The following DZIP1L variants were observed in gnomAD, a reference collection of about 807,000 sequenced individuals.
The protein encoded by DZIP1L is DAZ interacting zinc finger protein 1 like.
DZIP1L carries 90 observed loss-of-function variants against 88.7 expected under a neutral mutation model. The ratio of observed to expected loss-of-function variants is 1.02; its 90% CI spans 0.86 to 1.21. The LOEUF (loss-of-function observed/expected upper bound fraction) is 1.21. DZIP1L is among the 50% of genes most tolerant of loss of function. The pLI is 0.00. For missense variants in DZIP1L, 932 were observed against 955.8 expected (o/e 0.98, Z 0.33); for synonymous variants, 363 against 372.1 (o/e 0.98, Z 0.28).
chr3:138,086,103 G>A (rs1455806370), intron 7 of DZIP1L, among the ~76,000 whole-genome samples: 1 of 151,286 alleles, frequency 6.6e-6, no homozygotes, highest in Non-Finnish European at 1.5e-5. Flanking sequence ...TCTGGGGACT[G>A]TTGTGGGGTG....
rs368685062 is a variant in DZIP1L at position 138,068,370 on chromosome 3, G to A, written c.1616-3C>T. On this transcript the variant is annotated splice_polypyrimidine_tract_variant and splice_region_variant and intron_variant, in intron 12 of 15. Transcript: ENST00000327532. ...CAGTGTGCTCTGCTGGCTTTTGACT[G>A]GAAACACAGAAAGGAATGATTTTTG... 49 of 1,490,590 alleles carry A rather than the reference G, an allele frequency of 3.3e-5. No individual in the cohort carries two copies. The Middle Eastern group carries it at 7.2e-4, about 22-fold the overall frequency. The allele number at this position is 1,490,590 out of a possible 1,614,324, so 92.3% of individuals were successfully genotyped here.
rs541759172 is a variant in DZIP1L, at chr3:138,112,752, G to A, written c.-82+2576C>T. The stretch of plus-strand genomic sequence containing the variant: ...GCCTGAGGTCAGGAGTTCAAAATCA[G>A]CCTGGCCAACATGGCGAAATCCTGT... On this transcript the variant is annotated intron_variant, in intron 1 of 15. Coordinates refer to ENST00000327532, the MANE Select transcript of DZIP1L (RefSeq NM_173543.3). Among the ~76,000 whole-genome samples, 13 of 152,286 alleles carry A rather than the reference G, an allele frequency of 8.5e-5. No individual in the cohort carries two copies. In the South Asian group the frequency reaches 2.3e-3, roughly 27 times the overall value.
At chr3:138,094,602 C>T (rs2622730) in intron 4 of DZIP1L, among the ~76,000 whole-genome samples, 129,387 of 152,234 alleles carry the variant, frequency 0.85, 55,296 homozygotes, top group Middle Eastern at 0.91. Context: ...GGTTCAAATG[C>T]CCTCAGAGGG....
intron 1 of DZIP1L, among the ~76,000 whole-genome samples, chr3:138,105,564 T>C (rs1470239456): frequency 6.6e-6 from 1 of 152,068 alleles, no homozygotes; most frequent in Admixed American, 6.6e-5. Context: ...ACAATGTAAA[T>C]GCTATAAAAA....
chr3:138,101,550 A>T, intron 2 of DZIP1L: 1 of 794,580 alleles, frequency 1.3e-6, no homozygotes, highest in East Asian at 2.4e-5. Context: ...TCACAACCAC[A>T]GTGGCCCTGG....
At chr3:138,066,196 G>A in intron 14 of DZIP1L, among the ~76,000 whole-genome samples, 1 of 152,182 alleles carries the variant, frequency 6.6e-6, no homozygotes, top group Non-Finnish European at 1.5e-5. Context: ...AAAAAGTTAT[G>A]TGTGTTACAC....
Position 138,067,695 on chromosome 3 carries a change from G to A in DZIP1L, c.1838C>T (p.Pro613Leu), listed in dbSNP as rs749078245. 6.4e-7 allele frequency: 1 copy of A among 1,554,226 alleles called. No homozygotes were observed. The highest frequency in any genetic ancestry group is 8.7e-7 in the Non-Finnish European group (1 of 1,152,562). The change falls in exon 14 of 16, where the codon CCC (proline) becomes CTC (leucine). Residue 613 changes from proline to leucine, a missense_variant. Physicochemically the swap from Pro to Leu is moderately conservative, Grantham distance 98. Coordinates refer to ENST00000327532, the MANE Select transcript of DZIP1L (RefSeq NM_173543.3). ...PPSSGPGMST[P>L]PFSSEEDSEG... ...TGAGTCCTCTTCAGAACTGAACGGG[G>A]GCGTGCTGCCACGAGGAGGAGAAGA...
At position 138,068,492 on chromosome 3, in the gene DZIP1L, C is replaced by T. The variant is rs1373047226; in HGVS notation, c.1616-125G>A. ...TTACTCCCTCTCCGTGCTGTAATAACCACAGCAGATTTCATGACTGTTGCC... is the reference window on the plus strand; with the variant it reads ...TTACTCCCTCTCCGTGCTGTAATAATCACAGCAGATTTCATGACTGTTGCC... On this transcript the variant is annotated intron_variant, in intron 12 of 15. Transcript: ENST00000327532. 2.8e-5 allele frequency: 19 copies of T among 679,764 alleles called. No individual in the cohort carries two copies. In the East Asian group the frequency reaches 6.3e-4, roughly 22 times the overall value. The allele number at this position is 679,764 out of a possible 1,614,324, so 42.1% of individuals were successfully genotyped here.
chr3:138,090,749 T>TA (rs1307385855), intron 5 of DZIP1L, among the ~76,000 whole-genome samples: 1 of 152,108 alleles, frequency 6.6e-6, no homozygotes, highest in Non-Finnish European at 1.5e-5. Context: ...AAAACGCTAT[T>TA]AGACAGTTCA....
At position 138,063,089 on chromosome 3, in the gene DZIP1L, A is replaced by T. The variant is rs1402146037; in HGVS notation, c.2143-112T>A. 1 of 1,203,720 alleles carries T rather than the reference A, an allele frequency of 8.3e-7. No homozygotes were observed. The highest frequency in any genetic ancestry group is 1.2e-6 in the Non-Finnish European group (1 of 857,250). The allele number at this position is 1,203,720 out of a possible 1,614,324, so 74.6% of individuals were successfully genotyped here. A position where few individuals can be genotyped will look rare whatever the true frequency, so the allele number is the denominator to read the frequency against. ...AGAATGGAAATGGGGACAAATGCAG[A>T]CTGGGAAGAAAGCAATAGGGAGATG... On this transcript the variant is annotated intron_variant, in intron 15 of 15. Transcript: ENST00000327532. This position sits in a 1 kb window ranked among gnomAD's most constrained non-coding sequence, Gnocchi z 4.1.
chr3:138,115,026 A>G (rs1432465551), intron 1 of DZIP1L, among the ~76,000 whole-genome samples: 1 of 152,118 alleles, frequency 6.6e-6, no homozygotes, highest in Non-Finnish European at 1.5e-5. Context: ...AGTGAAGCCG[A>G]GTCTTGGGGC....
intron 2 of DZIP1L, among the ~76,000 whole-genome samples, chr3:138,098,128 T>C (rs745939833): frequency 1.3e-5 from 2 of 152,208 alleles, no homozygotes; most frequent in African/African-American, 2.4e-5. Context: ...GGTGTTTGTC[T>C]ATGTTTAAAA....
Position 138,092,428 on chromosome 3 carries a change from C to A in DZIP1L, c.825G>T (p.Trp275Cys). Residue 275 changes from tryptophan (W) to cysteine (C), a missense_variant, in exon 5 of 16, where the codon TGG (tryptophan) becomes TGT (cysteine). Trp to Cys is a radical substitution (Grantham distance 215). Transcript: ENST00000327532. ...GEIDKLKKLFWDEFKNVAKQN... is the reference protein window; with the variant it reads ...GEIDKLKKLFCDEFKNVAKQN... ...GCTTGGCGACATTTTTAAATTCATC[C>A]CAAAATAATTTTTTTAGTTTATCTA... The A allele has an allele frequency of 6.2e-7, 1 of 1,604,448 alleles. No homozygotes were observed. Among genetic ancestry groups the A allele is most frequent in the Admixed American group, 1.7e-5 (1 of 58,450 alleles).
chr3:138,107,320 C>T lies in DZIP1L; in HGVS notation c.-81-3268G>A, dbSNP rs2107864655. Among the ~76,000 whole-genome samples the T allele has an allele frequency of 1.3e-5, 2 of 152,262 alleles. 1 individual carries two copies. The highest frequency in any genetic ancestry group is 4.1e-4 in the South Asian group (2 of 4,824). ...GGTTAGTTATCACAGGAGTAGGTTC[C>T]TGATGAAAGGAGGAATTCAGTCCCC... On this transcript the variant is annotated intron_variant, in intron 1 of 15. Coordinates refer to ENST00000327532, the MANE Select transcript of DZIP1L (RefSeq NM_173543.3).
chr3:138,066,952 T>C lies in DZIP1L; in HGVS notation c.2002+579A>G, dbSNP rs1576430383. On this transcript the variant is annotated intron_variant, in intron 14 of 15. Coordinates refer to ENST00000327532, the MANE Select transcript of DZIP1L (RefSeq NM_173543.3). ...ACCCTCCCCGCCCCTGTGGCTGGGG[T>C]TGGAGCCTGGCTGGAGTGTACCCTA... 3.3e-5 allele frequency among the ~76,000 whole-genome samples: 5 copies of C among 152,110 alleles called. No homozygotes were observed. The Middle Eastern group carries it at 0.014, about 414-fold the overall frequency.
intron 6 of DZIP1L, 80 bp from the exon 7 acceptor site, chr3:138,087,103 C>G: frequency 1.5e-6 from 2 of 1,357,770 alleles, no homozygotes; most frequent in Non-Finnish European, 1.0e-6. Flanking sequence ...GTTAAAAGTA[C>G]TGGCTCATGG....
chr3:138,078,824 G>C lies in DZIP1L; in HGVS notation c.1289-1192C>G, dbSNP rs191691299. Among the ~76,000 whole-genome samples the C allele has an allele frequency of 3.2e-3, 486 of 152,328 alleles. 2 individuals carry two copies. The highest frequency in any genetic ancestry group is 0.016 in the South Asian group (76 of 4,828). On this transcript the variant is annotated intron_variant, in intron 10 of 15. Transcript: ENST00000327532. ...CACCTGCGGAGCTTTAAATGCTACT[G>C]GTGCCTGGAACCCACCCACTCCATG...
In DZIP1L at chr3:138,063,965, G is replaced by T. The variant is rs1040431620; in HGVS notation, c.2142+663C>A. ...GTGAGAAAGGAGTGTGAAGTAAAGG[G>T]AGCTCTAAAGTTTTCTGCTTGAAAA... On this transcript the variant is annotated intron_variant, in intron 15 of 15. Transcript: ENST00000327532. This position sits in a 1 kb window ranked among gnomAD's most constrained non-coding sequence, Gnocchi z 4.1. 1.3e-5 allele frequency among the ~76,000 whole-genome samples: 2 copies of T among 152,152 alleles called. No homozygotes were observed. Among genetic ancestry groups the T allele is most frequent in the East Asian group, 3.9e-4 (2 of 5,184 alleles).
chr3:138,077,374 C>T (rs1406971817), intron 11 of DZIP1L, 125 bp downstream of exon 11: 6 of 1,447,634 alleles, frequency 4.1e-6, no homozygotes, highest in Admixed American at 1.9e-5. Flanking sequence ...CAGAGGAGCC[C>T]GGGCTGCCAC....
Sources: allele counts gnomAD v4.1 joint callset (sites outside exome capture counted in the v4.1 genomes callset), GRCh38; gene constraint gnomAD v4.1.1; non-coding constraint Gnocchi (gnomAD v3.1); transcripts MANE v1.5; gene names NCBI Gene and HGNC (gene_info 2026-07-23, HGNC 2026-07-21).